Variants in TBL1X observed in about 807,000 individuals in gnomAD.
TBL1X encodes F-box-like/WD repeat-containing protein TBL1X.
A neutral mutation model predicts 50.7 loss-of-function variants in TBL1X; 10 were observed. The ratio of observed to expected loss-of-function variants is 0.20; its 90% CI spans 0.12 to 0.33. The LOEUF is 0.33. TBL1X is among the 10% of genes least tolerant of loss of function. The pLI is 1.00. For missense variants in TBL1X, 340 were observed against 504.4 expected, an observed-to-expected ratio of 0.67 and a Z score of 3.12; for synonymous variants, 190 against 214.7, an observed-to-expected ratio of 0.88 and a Z score of 1.01.
At chrX:9,609,234 G>C (rs1442376255) in intron 2 of TBL1X, among the ~76,000 whole-genome samples, 1 of 111,556 alleles carries the variant, frequency 9.0e-6, no homozygotes, top group African/African-American at 3.3e-5. Flanking sequence ...TTAATATGCT[G>C]TAAGCAGTTT....
At chrX:9,656,102 C>T (rs1165287042) in intron 5 of TBL1X, among the ~76,000 whole-genome samples, 2 of 112,399 alleles carry the variant, frequency 1.8e-5, no homozygotes, top group East Asian at 5.6e-4. Flanking sequence ...TATGTACTGC[C>T]TCACTCTGGA....
intron 2 of TBL1X, among the ~76,000 whole-genome samples, chrX:9,589,047 G>T (rs950572824): frequency 9.9e-5 from 11 of 111,401 alleles, no homozygotes; most frequent in Non-Finnish European, 2.1e-4. Flanking sequence ...ATACCCCAGG[G>T]CATCATGAGG....
At chrX:9,688,537 A>G (rs949631353) in intron 7 of TBL1X, among the ~76,000 whole-genome samples, 2 of 112,442 alleles carry the variant, frequency 1.8e-5, no homozygotes, top group African/African-American at 3.2e-5. Flanking sequence ...CATGTAACAC[A>G]TGATTATTGC....
At chrX:9,512,654 C>T (rs754321402) in intron 2 of TBL1X, among the ~76,000 whole-genome samples, 61 of 110,688 alleles carry the variant, frequency 5.5e-4, no homozygotes, top group Admixed American at 1.4e-3. Flanking sequence ...TGCGCCACCA[C>T]GCCTGGCTAA....
At chrX:9,480,569 T>G (rs989184810) in intron 1 of TBL1X, among the ~76,000 whole-genome samples, 2 of 111,859 alleles carry the variant, frequency 1.8e-5, no homozygotes, top group Non-Finnish European at 3.8e-5. Context: ...ACTGTCTTTA[T>G]TTTGTCCTGT....
intron 2 of TBL1X, among the ~76,000 whole-genome samples, chrX:9,519,654 G>T (rs2082097679): frequency 8.9e-6 from 1 of 111,732 alleles, no homozygotes; most frequent in East Asian, 2.8e-4. Context: ...AGGCAGGCAG[G>T]ATCTTTTTTA....
rs63038662 is a variant in TBL1X at position 9,523,960 on chromosome X, C to CTTT, written c.-131+22135_-131+22137dup. The stretch of plus-strand genomic sequence containing the variant: ...TAATATAAAATTTAGTCATTTTAAC[C>CTTT]TTTTTTTTTTTTTTTTTTTTTTTTT... On this transcript the variant is annotated intron_variant, in intron 2 of 17. Transcript: ENST00000645353. Among the ~76,000 whole-genome samples the CTTT allele has an allele frequency of 4.2e-3, 173 of 40,816 alleles. 20 individuals are homozygous for CTTT. Among genetic ancestry groups the CTTT allele is most frequent in the African/African-American group, 0.016 (162 of 10,381 alleles). The allele number at this position is 40,816 out of a possible 115,157, so 35.4% of individuals were successfully genotyped here. A position where few individuals can be genotyped will look rare whatever the true frequency, so the allele number is the denominator to read the frequency against.
At chrX:9,515,359 CATAAT>C (rs2082076555) in intron 2 of TBL1X, among the ~76,000 whole-genome samples, 1 of 112,063 alleles carries the variant, frequency 8.9e-6, no homozygotes, top group East Asian at 2.8e-4. Context: ...AATGTAAACT[CATAAT>C]AGACAGGAAC....
chrX:9,530,946 T>C (rs1264074638), intron 2 of TBL1X: 5 of 112,123 alleles, frequency 4.5e-5, no homozygotes, highest in African/African-American at 1.6e-4. Flanking sequence ...AGAGGCTCCC[T>C]GCCAAAGCAT....
intron 1 of TBL1X, among the ~76,000 whole-genome samples, chrX:9,470,215 C>A (rs2081804561): frequency 8.9e-6 from 1 of 112,660 alleles, no homozygotes; most frequent in African/African-American, 3.2e-5. Flanking sequence ...TATCCATTCC[C>A]TCAAGCACTT....
At chrX:9,543,219 T>C (rs1234842180) in intron 2 of TBL1X, among the ~76,000 whole-genome samples, 1 of 111,658 alleles carries the variant, frequency 9.0e-6, no homozygotes, top group Admixed American at 9.5e-5. Flanking sequence ...AGTGCCTCCC[T>C]GGATTTGATT....
chrX:9,716,434 G>A lies in TBL1X; in HGVS notation c.*188G>A. The A allele has an allele frequency of 2.3e-6, 1 of 426,750 alleles. No individual in the cohort carries two copies. The highest frequency in any genetic ancestry group is 4.1e-5 in the East Asian group (1 of 24,557). 35.2% of individuals were successfully genotyped at this position (426,750 alleles called of 1,213,427 possible). A position where few individuals can be genotyped will look rare whatever the true frequency, so the allele number is the denominator to read the frequency against. On this transcript the variant is annotated 3_prime_UTR_variant, in exon 18 of 18. Transcript: ENST00000645353. ...TCATCAAGAAGTTTTTAAAAGGCAA[G>A]CAAAAACAGAAGCAAATCATATCAA...
chrX:9,554,890 C>A (rs1397957033), intron 2 of TBL1X, among the ~76,000 whole-genome samples: 1 of 111,305 alleles, frequency 9.0e-6, no homozygotes, highest in Non-Finnish European at 1.9e-5. Flanking sequence ...TCCCTGTAAC[C>A]ATTAGCAGTC....
intron 11 of TBL1X, among the ~76,000 whole-genome samples, chrX:9,694,346 TGTG>T (rs996709037): frequency 5.4e-5 from 6 of 111,894 alleles, no homozygotes; most frequent in African/African-American, 2.0e-4. Flanking sequence ...CTTTGCATTT[TGTG>T]GTGATTTCAG....
chrX:9,676,598 A>T (rs1250868166), intron 5 of TBL1X, among the ~76,000 whole-genome samples: 2 of 112,085 alleles, frequency 1.8e-5, no homozygotes, highest in Non-Finnish European at 3.8e-5. Flanking sequence ...ACGCCGTCCG[A>T]GGCAGCTTCA....
intron 2 of TBL1X, among the ~76,000 whole-genome samples, chrX:9,544,513 A>C (rs757642160): frequency 4.1e-4 from 46 of 111,048 alleles, no homozygotes; most frequent in African/African-American, 8.8e-4. Context: ...GACAGTGAAC[A>C]TTCATTTCAA....
intron 5 of TBL1X, among the ~76,000 whole-genome samples, chrX:9,663,760 CAAA>C (rs57927750): frequency 1.5e-4 from 6 of 39,302 alleles, no homozygotes; most frequent in African/African-American, 2.2e-4. Flanking sequence ...GATTCTGTCT[CAAA>C]AAAAAAAAAA....
chrX:9,684,572 A>G (rs1347273732), intron 6 of TBL1X, among the ~76,000 whole-genome samples: 1 of 94,290 alleles, frequency 1.1e-5, no homozygotes, highest in East Asian at 3.5e-4. Flanking sequence ...AGCCTGGGCA[A>G]TGCAGTGAGA....
intron 2 of TBL1X, among the ~76,000 whole-genome samples, chrX:9,592,221 G>A (rs1452863325): frequency 1.8e-5 from 2 of 111,280 alleles, no homozygotes; most frequent in East Asian, 2.8e-4. Context: ...CCATTTGTCC[G>A]CTCTGTTTAC....
Sources: allele counts gnomAD v4.1 joint callset (sites outside exome capture counted in the v4.1 genomes callset), GRCh38; gene constraint gnomAD v4.1.1; transcripts MANE v1.5; gene names NCBI Gene and HGNC (gene_info 2026-07-23, HGNC 2026-07-21).